The following EML1 variants were observed in gnomAD, a reference collection of about 807,000 sequenced individuals.
EML1 encodes the protein EMAP like 1, also known as echinoderm microtubule-associated protein-like 1.
A neutral mutation model predicts 110.4 loss-of-function variants in EML1; 27 were observed. The observed-to-expected ratio is 0.24, with a 90% CI of 0.18 to 0.34. EML1 has a LOEUF of 0.34. EML1 is among the 10% of genes least tolerant of loss of function. The probability of loss-of-function intolerance (pLI) is 1.00; values close to 1 mark genes in which losing one functional copy is unlikely to be tolerated. For synonymous variants in EML1, 344 were observed against 385.8 expected (o/e 0.89, Z 1.27); for missense variants, 741 against 1,030.9 (o/e 0.72, Z 3.85).
intron 1 of EML1, among the ~76,000 whole-genome samples, chr14:99,811,594 G>A (rs2058080449): frequency 6.7e-6 from 1 of 148,910 alleles, no homozygotes; most frequent in African/African-American, 2.5e-5. Context: ...CTTGACCCTA[G>A]GAGTTTTAGA....
intron 4 of EML1, 140 bp from the exon 5 acceptor site, chr14:99,891,059 T>A (rs902683783): frequency 2.3e-6 from 2 of 864,224 alleles, no homozygotes; most frequent in African/African-American, 3.4e-5. Flanking sequence ...GTGAAATTGG[T>A]GGTGTTTTTC....
intron 5 of EML1, among the ~76,000 whole-genome samples, chr14:99,892,401 T>A (rs74841698): frequency 6.6e-6 from 1 of 152,166 alleles, no homozygotes; most frequent in South Asian, 2.1e-4. Context: ...TGGATCCCAA[T>A]TGGTATTGGC....
At chr14:99,806,304 G>A (rs1404627969) in intron 1 of EML1, among the ~76,000 whole-genome samples, 4 of 146,700 alleles carry the variant, frequency 2.7e-5, no homozygotes, top group South Asian at 2.2e-4. Context: ...TTTGGTATCC[G>A]ATCTCCAGAA....
chr14:99,932,869 A>T (rs986069465), intron 17 of EML1, among the ~76,000 whole-genome samples: 3 of 152,166 alleles, frequency 2.0e-5, no homozygotes, highest in African/African-American at 7.2e-5. Flanking sequence ...CTGTAATCCC[A>T]GCACTTTGGG....
chr14:99,743,420 G>C (rs1200226282), intron 1 of EML1, among the ~76,000 whole-genome samples: 1 of 152,166 alleles, frequency 6.6e-6, no homozygotes, highest in Non-Finnish European at 1.5e-5. Context: ...CCAGACCACT[G>C]CCCTTCTCAC....
intron 3 of EML1, among the ~76,000 whole-genome samples, chr14:99,872,305 G>A (rs2059219178): frequency 1.3e-5 from 2 of 152,198 alleles, no homozygotes; most frequent in South Asian, 4.1e-4. Flanking sequence ...AGAAGGGAGG[G>A]AGGAAGGGAG....
chr14:99,853,968 A>T (rs2058857639), intron 2 of EML1, among the ~76,000 whole-genome samples: 1 of 152,082 alleles, frequency 6.6e-6, no homozygotes, highest in African/African-American at 2.4e-5. Flanking sequence ...ACCGCATCTG[A>T]CCTGCATTCT....
upstream of EML1, among the ~76,000 whole-genome samples, chr14:99,770,475 G>A (rs1217377036): frequency 6.6e-6 from 1 of 151,750 alleles, no homozygotes; most frequent in African/African-American, 2.4e-5. Context: ...ATTCATGTGG[G>A]TTCCACTCTT....
At chr14:99,802,788 A>G (rs10135429) in intron 1 of EML1, among the ~76,000 whole-genome samples, 47,490 of 151,852 alleles carry the variant, frequency 0.31, 8,700 homozygotes, top group African/African-American at 0.5. Flanking sequence ...TTTGCGAGCC[A>G]TCAGCATCCA....
At chr14:99,742,193 G>A (rs2057051161) in intron 1 of EML1, among the ~76,000 whole-genome samples, 1 of 152,226 alleles carries the variant, frequency 6.6e-6, no homozygotes. Context: ...TCCATGCCCT[G>A]TGCCTTCTGG....
chr14:99,836,214 G>T (rs1462733483), intron 1 of EML1, among the ~76,000 whole-genome samples: 1 of 89,996 alleles, frequency 1.1e-5, no homozygotes, highest in Admixed American at 1.0e-4. Context: ...CTTTTATTAT[G>T]TTTTAGTTTT....
chr14:99,746,276 G>T (rs1390607308), intron 1 of EML1, among the ~76,000 whole-genome samples: 1 of 151,964 alleles, frequency 6.6e-6, no homozygotes, highest in Non-Finnish European at 1.5e-5. Flanking sequence ...CAGAAAAGTG[G>T]CACTCTTTTC....
intron 9 of EML1, among the ~76,000 whole-genome samples, chr14:99,903,134 T>C (rs1485394157): frequency 6.6e-6 from 1 of 152,224 alleles, no homozygotes; most frequent in Non-Finnish European, 1.5e-5. Context: ...CAGTATACTT[T>C]ACTTAATTGT....
chr14:99,771,832 A>G (rs945703277), upstream of EML1, among the ~76,000 whole-genome samples: 5 of 152,242 alleles, frequency 3.3e-5, no homozygotes, highest in Admixed American at 3.3e-4. Context: ...AATAAAAACC[A>G]AAACAAACAA....
At chr14:99,937,060 G>A (rs923563910) in intron 19 of EML1, among the ~76,000 whole-genome samples, 5 of 152,222 alleles carry the variant, frequency 3.3e-5, no homozygotes, top group African/African-American at 1.2e-4. Context: ...GCATGATGCA[G>A]GGAAGGGCTC....
At chr14:99,821,937 G>A (rs2058270252) in intron 1 of EML1, among the ~76,000 whole-genome samples, 1 of 152,204 alleles carries the variant, frequency 6.6e-6, no homozygotes, top group Non-Finnish European at 1.5e-5. Context: ...TCCCTATCAG[G>A]AGGGCAGTAA....
chr14:99,760,083 CAAAAAAAAAAAAA>C (rs61619098), intron 1 of EML1, among the ~76,000 whole-genome samples: 2 of 47,132 alleles, frequency 4.2e-5, no homozygotes, highest in Non-Finnish European at 6.9e-5. Flanking sequence ...GACTCCCTCT[CAAAAAAAAAAAAA>C]AAAAAAAAAA....
chr14:99,910,262 T>A lies in EML1; in HGVS notation c.1260T>A (p.Phe420Leu), dbSNP rs770948099. The A allele has an allele frequency of 6.2e-7, 1 of 1,612,256 alleles. No homozygotes were observed. Among genetic ancestry groups the A allele is most frequent in the South Asian group, 1.1e-5 (1 of 90,522 alleles). ...GLFEKQEKPKFVLCVTFSENG... is the reference protein window; with the variant it reads ...GLFEKQEKPKLVLCVTFSENG... ...TACAGAAACAAGAAAAGCCAAAGTTTGTCCTCTGTGTGACTTTCTCTGAAA... is the reference window on the plus strand; with the variant it reads ...TACAGAAACAAGAAAAGCCAAAGTTAGTCCTCTGTGTGACTTTCTCTGAAA... Residue 420 changes from phenylalanine to leucine, a missense_variant, in exon 12 of 22, where the codon TTT becomes TTA. Physicochemically the swap from Phe to Leu is conservative, Grantham distance 22 (BLOSUM62 0). Transcript: ENST00000262233.
chr14:99,780,234 G>T (rs1343289461), intron 1 of EML1, among the ~76,000 whole-genome samples: 1 of 152,004 alleles, frequency 6.6e-6, no homozygotes, highest in Non-Finnish European at 1.5e-5. Flanking sequence ...TCACATTGGG[G>T]GTTGGGTTTT....
Sources: allele counts gnomAD v4.1 joint callset (sites outside exome capture counted in the v4.1 genomes callset), GRCh38; gene constraint gnomAD v4.1.1; transcripts MANE v1.5; gene names NCBI Gene and HGNC (gene_info 2026-07-23, HGNC 2026-07-21).